Variants in STK10 observed in about 807,000 individuals in gnomAD.
STK10 encodes serine/threonine kinase 10.
In STK10, 78 loss-of-function variants were observed where a neutral mutation model predicts 113.8. The observed-to-expected ratio is 0.69, with a 90% CI of 0.57 to 0.83. The LOEUF is 0.83. Among genes scored for constraint, STK10 ranks in the 40% least tolerant of loss-of-function variants. The pLI is 0.00. For missense variants in STK10, 1,109 were observed against 1,280.1 expected, an observed-to-expected ratio of 0.87 and a Z score of 2.04; for synonymous variants, 465 against 494.7, an observed-to-expected ratio of 0.94 and a Z score of 0.80.
intron 10 of STK10, among the ~76,000 whole-genome samples, chr5:172,089,425 G>T (rs1026239942): frequency 6.6e-6 from 1 of 151,900 alleles, no homozygotes; most frequent in Non-Finnish European, 1.5e-5. Flanking sequence ...TGGATGGATG[G>T]ATGGATGGAT....
chr5:172,110,411 T>G (rs1276635782), intron 4 of STK10, among the ~76,000 whole-genome samples: 1 of 144,830 alleles, frequency 6.9e-6, no homozygotes, highest in Non-Finnish European at 1.5e-5. Flanking sequence ...ACATGCCACA[T>G]GTTATTCCCG....
intron 3 of STK10, among the ~76,000 whole-genome samples, chr5:172,123,724 C>G (rs1769563070): frequency 6.6e-6 from 1 of 152,124 alleles, no homozygotes; most frequent in Non-Finnish European, 1.5e-5. Flanking sequence ...TCTGAAGTCT[C>G]TTTAAAAGAG....
intron 6 of STK10, among the ~76,000 whole-genome samples, chr5:172,106,418 A>AAAAAAAAAAAAAAAAAAAAAAAAC (rs1769110367): frequency 1.4e-5 from 2 of 141,366 alleles, no homozygotes; most frequent in Non-Finnish European, 3.1e-5. Context: ...AAAAAAAAAA[A>AAAAAAAAAAAAAAAAAAAAAAAAC]GGAACACAAA....
chr5:172,125,103 G>GA, intron 3 of STK10, among the ~76,000 whole-genome samples: 1 of 152,292 alleles, frequency 6.6e-6, no homozygotes, highest in African/African-American at 2.4e-5. Context: ...GAAAAATGCT[G>GA]AAAGTTCCTC....
chr5:172,106,969 G>T, intron 5 of STK10, 155 bp from the exon 6 acceptor site: 2 of 697,498 alleles, frequency 2.9e-6, no homozygotes, highest in Non-Finnish European at 4.5e-6. Context: ...GTCTTCCTTA[G>T]GACGCTCTTC....
intron 12 of STK10, among the ~76,000 whole-genome samples, chr5:172,079,208 T>C (rs1219239446): frequency 6.6e-6 from 1 of 152,208 alleles, no homozygotes; most frequent in Admixed American, 6.5e-5. Context: ...TGTGCCAATC[T>C]CCCCTTTGCT....
chr5:172,171,281 C>A (rs927426184), intron 1 of STK10, among the ~76,000 whole-genome samples: 1 of 152,216 alleles, frequency 6.6e-6, no homozygotes, highest in Non-Finnish European at 1.5e-5. Context: ...TAACACTTCC[C>A]AGCTGTGTGC....
intron 8 of STK10, 62 bp from the exon 9 acceptor site, chr5:172,094,022 G>A (rs1768790296): frequency 8.1e-7 from 1 of 1,233,288 alleles, no homozygotes; most frequent in African/African-American, 1.5e-5. Flanking sequence ...GCAAGAGTCA[G>A]AGATGCAGTG....
chr5:172,079,694 G>A (rs183345654), intron 12 of STK10, among the ~76,000 whole-genome samples: 2 of 152,086 alleles, frequency 1.3e-5, no homozygotes, highest in Non-Finnish European at 2.9e-5. Flanking sequence ...CCGAGTAGCT[G>A]GGATTAAGGC....
At position 172,120,868 on chromosome 5, in the gene STK10, ATAATTATGATC is replaced by A. The variant is rs1769496681; in HGVS notation, c.371-3249_371-3239del. Among the ~76,000 whole-genome samples, 1 of 152,190 alleles carries A rather than the reference ATAATTATGATC, an allele frequency of 6.6e-6. No individual in the cohort carries two copies. Among genetic ancestry groups the A allele is most frequent in the Non-Finnish European group, 1.5e-5 (1 of 68,032 alleles). On this transcript the variant is annotated intron_variant, in intron 3 of 18. Transcript: ENST00000176763. The surrounding 1 kb of genome is among the most constrained non-coding windows in gnomAD (Gnocchi z 4.0). ...AAAAATACTAATGATGATGATGAAG[ATAATTATGATC>A]TAATCACCACCATTTTTGGAGCCCT...
At chr5:172,144,904 C>T (rs550068824) in intron 2 of STK10, among the ~76,000 whole-genome samples, 17 of 152,212 alleles carry the variant, frequency 1.1e-4, no homozygotes, top group South Asian at 2.1e-4. Flanking sequence ...CCTAACTACG[C>T]GTGCCCAAGT....
chr5:172,057,197 C>G (rs891107171), intron 15 of STK10, 152 bp downstream of exon 15: 2 of 1,133,952 alleles, frequency 1.8e-6, no homozygotes, highest in Non-Finnish European at 2.5e-6. Flanking sequence ...TGGAGAACCT[C>G]CTGGGGCCTC....
At chr5:172,108,106 C>A in intron 4 of STK10, 1 of 388,526 alleles carries the variant, frequency 2.6e-6, no homozygotes, top group Non-Finnish European at 4.7e-6. Flanking sequence ...ATAGCAAGAA[C>A]CTTTAAAATA....
intron 2 of STK10, among the ~76,000 whole-genome samples, chr5:172,142,872 G>T (rs753809): frequency 6.6e-6 from 1 of 152,124 alleles, no homozygotes; most frequent in Admixed American, 6.5e-5. Flanking sequence ...AAACAGGCTG[G>T]GTCACAGCCC....
intron 1 of STK10, among the ~76,000 whole-genome samples, chr5:172,160,640 T>C (rs1770451975): frequency 6.6e-6 from 1 of 152,168 alleles, no homozygotes; most frequent in Non-Finnish European, 1.5e-5. Context: ...CGCTCCACCC[T>C]TGCCTTCCAT....
At chr5:172,046,168 T>G (rs926324206) in intron 18 of STK10, among the ~76,000 whole-genome samples, 2 of 151,390 alleles carry the variant, frequency 1.3e-5, no homozygotes, top group Non-Finnish European at 2.9e-5. Context: ...AAGACCAGCC[T>G]GGCCAACAAG....
chr5:172,090,863 A>G (rs374892244), intron 9 of STK10, among the ~76,000 whole-genome samples: 2 of 139,264 alleles, frequency 1.4e-5, no homozygotes, highest in African/African-American at 5.4e-5. Flanking sequence ...TGAACCCAGG[A>G]GGCGGAGTTT....
intron 10 of STK10, among the ~76,000 whole-genome samples, 183 bp downstream of exon 10, chr5:172,090,049 A>T (rs1581150185): frequency 1.3e-5 from 2 of 152,154 alleles, no homozygotes; most frequent in South Asian, 4.2e-4. Context: ...GAGTGGATAG[A>T]TAGGTGAACG....
chr5:172,149,554 G>A (rs1770165229), intron 2 of STK10, among the ~76,000 whole-genome samples: 2 of 93,378 alleles, frequency 2.1e-5, no homozygotes, highest in South Asian at 3.1e-4. Context: ...CCCAACAACC[G>A]GGTGCCCCAA....
Sources: gnomAD v4.1 joint callset for allele counts (sites outside exome capture counted in the v4.1 genomes callset) on GRCh38, gnomAD v4.1.1 for gene constraint, Gnocchi (gnomAD v3.1) non-coding constraint, MANE v1.5 for transcripts, NCBI Gene and HGNC (gene_info 2026-07-23, HGNC 2026-07-21) for gene names.